Variants in H6PD observed in about 807,000 individuals in gnomAD.
H6PD encodes the protein GDH/6PGL endoplasmic bifunctional protein.
H6PD carries 48 observed loss-of-function variants against 61.2 expected under a neutral mutation model. The ratio of observed to expected loss-of-function variants is 0.78; its 90% CI spans 0.62 to 1.00. The LOEUF is 1.00. Among genes scored for constraint, H6PD ranks in the 50% least tolerant of loss-of-function variants. The pLI, the probability that H6PD is intolerant of heterozygous loss-of-function variation, is 0.00. For missense variants in H6PD, 1,093 were observed against 1,065.0 expected (o/e 1.03, Z -0.37); for synonymous variants, 480 against 457.9 (o/e 1.05, Z -0.62).
Position 9,265,198 on chromosome 1 carries a change from C to T in H6PD, c.*329C>T. Reference sequence around the variant, plus strand: ...CACAACACGGGATGGCGCCCAAACTCCGGCGTTCACAAGAGGAGACGTGAC... The same window carrying T: ...CACAACACGGGATGGCGCCCAAACTTCGGCGTTCACAAGAGGAGACGTGAC... On this transcript the variant is annotated 3_prime_UTR_variant, in exon 5 of 5. Coordinates refer to ENST00000377403, the MANE Select transcript of H6PD (RefSeq NM_004285.4). The T allele has an allele frequency of 9.2e-6, 4 of 434,114 alleles. No individual in the cohort carries two copies. Among genetic ancestry groups the T allele is most frequent in the South Asian group, 8.5e-5 (4 of 46,784 alleles). 26.9% of individuals were successfully genotyped at this position (434,114 alleles called of 1,614,324 possible). A position where few individuals can be genotyped will look rare whatever the true frequency, so the allele number is the denominator to read the frequency against.
chr1:9,255,401 C>T (rs182245062), intron 3 of H6PD, among the ~76,000 whole-genome samples: 32 of 152,254 alleles, frequency 2.1e-4, no homozygotes, highest in African/African-American at 7.5e-4. Context: ...CCCACCTCAG[C>T]CTCCCAAGTA....
Position 9,265,930 on chromosome 1 carries a change from C to T in H6PD, c.*1061C>T, listed in dbSNP as rs1246081148. The T allele has an allele frequency of 6.6e-6, 1 of 152,300 alleles. No individual in the cohort carries two copies. Among genetic ancestry groups the T allele is most frequent in the Non-Finnish European group, 1.5e-5 (1 of 68,076 alleles). The allele number at this position is 152,300 out of a possible 1,614,324, so 9.4% of individuals were successfully genotyped here. ...CTGCTCCTCTGTCCTGCTAGCCTTC[C>T]TCCAGGAAGCACACTGGGTGCAGAT... On this transcript the variant is annotated 3_prime_UTR_variant, in exon 5 of 5. Coordinates refer to ENST00000377403, the MANE Select transcript of H6PD (RefSeq NM_004285.4).
chr1:9,245,810 C>T lies in H6PD; in HGVS notation c.627+249C>T, dbSNP rs1006280707. ...TGCAAAGCCCCCGTTCTCGTTGTTT[C>T]CCAGTCTGGGCTCTGGCTTCTCACG... On this transcript the variant is annotated intron_variant, in intron 2 of 4. Coordinates refer to ENST00000377403, the MANE Select transcript of H6PD (RefSeq NM_004285.4). This position sits in a 1 kb window ranked among gnomAD's most constrained non-coding sequence, Gnocchi z 4.8. Among the ~76,000 whole-genome samples the T allele has an allele frequency of 5.3e-5, 8 of 152,270 alleles. No homozygotes were observed. The highest frequency in any genetic ancestry group is 1.7e-4 in the African/African-American group (7 of 41,564).
Position 9,269,297 on chromosome 1 carries a change from C to T in H6PD, c.*4428C>T, listed in dbSNP as rs1638675420. The T allele has an allele frequency of 6.6e-6, 1 of 152,352 alleles. No homozygotes were observed. Among genetic ancestry groups the T allele is most frequent in the Non-Finnish European group, 1.5e-5 (1 of 68,126 alleles). The allele number at this position is 152,352 out of a possible 1,614,324, so 9.4% of individuals were successfully genotyped here. A position where few individuals can be genotyped will look rare whatever the true frequency, so the allele number is the denominator to read the frequency against. ...CTCTCTCCGCAACTCTCCCGTGAGGCTGCACCCGTGTGGGTAGCACTGGAA... is the reference window on the plus strand; with the variant it reads ...CTCTCTCCGCAACTCTCCCGTGAGGTTGCACCCGTGTGGGTAGCACTGGAA... On this transcript the variant is annotated 3_prime_UTR_variant, in exon 5 of 5. Coordinates refer to ENST00000377403, the MANE Select transcript of H6PD (RefSeq NM_004285.4). The surrounding 1 kb of genome is among the most constrained non-coding windows in gnomAD (Gnocchi z 4.3).
intron 3 of H6PD, among the ~76,000 whole-genome samples, chr1:9,257,440 A>G (rs1301857566): frequency 6.6e-6 from 1 of 152,030 alleles, no homozygotes; most frequent in Non-Finnish European, 1.5e-5. Flanking sequence ...CCTGGCCTAT[A>G]TCCTATTTTC....
chr1:9,235,107 G>A (rs1041228490), intron 1 of H6PD, 41 bp downstream of exon 1: 10 of 149,200 alleles, frequency 6.7e-5, no homozygotes, highest in Non-Finnish European at 1.3e-4. Context: ...CCCGGCCCCG[G>A]CGCCTCCAAC....
intron 3 of H6PD, among the ~76,000 whole-genome samples, chr1:9,260,652 C>A (rs1638229523): frequency 6.6e-6 from 1 of 151,516 alleles, no homozygotes; most frequent in Non-Finnish European, 1.5e-5. Context: ...GCTGTTGTTA[C>A]ATTGGTGTTG....
intron 3 of H6PD, among the ~76,000 whole-genome samples, chr1:9,247,582 A>G (rs1641221379): frequency 6.7e-6 from 1 of 149,106 alleles, no homozygotes; most frequent in Admixed American, 6.7e-5. Context: ...GGCGCCACAC[A>G]CCTCCCTCCC....
chr1:9,235,252 A>C (rs1411726497), intron 1 of H6PD, among the ~76,000 whole-genome samples, 186 bp downstream of exon 1: 1 of 151,956 alleles, frequency 6.6e-6, no homozygotes. Context: ...CGAGCGGCCG[A>C]GCTGTCCTTT....
At chr1:9,258,560 AGCTGGTGTTATATTGTTAT>A (rs1235971008) in intron 3 of H6PD, among the ~76,000 whole-genome samples, 1 of 151,072 alleles carries the variant, frequency 6.6e-6, no homozygotes, top group Non-Finnish European at 1.5e-5. Context: ...ATTGCTGTTA[AGCTGGTGTTATATTGTTAT>A]GCTGGTGTTG....
At position 9,271,216 on chromosome 1, in the gene H6PD, G is replaced by T. The variant is rs1374766595; in HGVS notation, c.*6347G>T. 2.0e-5 allele frequency: 3 copies of T among 152,328 alleles called. No homozygotes were observed. Among genetic ancestry groups the T allele is most frequent in the African/African-American group, 7.2e-5 (3 of 41,568 alleles). 9.4% of individuals were successfully genotyped at this position (152,328 alleles called of 1,614,324 possible). Reference sequence around the variant, plus strand: ...CCCAAAGTGCTGGGATTACAGGCGGGAGCCACCATGCCTGGCCAGAACAAA... The same window carrying T: ...CCCAAAGTGCTGGGATTACAGGCGGTAGCCACCATGCCTGGCCAGAACAAA... On this transcript the variant is annotated 3_prime_UTR_variant, in exon 5 of 5. Coordinates refer to ENST00000377403, the MANE Select transcript of H6PD (RefSeq NM_004285.4).
At chr1:9,244,196 A>AGGT (rs1641089391) in intron 1 of H6PD, among the ~76,000 whole-genome samples, 3 of 152,212 alleles carry the variant, frequency 2.0e-5, no homozygotes, top group African/African-American at 7.2e-5. Flanking sequence ...GGTGCTTAAT[A>AGGT]GGTGATAGGT....
intron 1 of H6PD, among the ~76,000 whole-genome samples, chr1:9,243,207 G>A (rs1333072343): frequency 6.6e-6 from 1 of 152,158 alleles, no homozygotes; most frequent in Non-Finnish European, 1.5e-5. Flanking sequence ...GGTGGTGGGA[G>A]GAGGGGGTCT....
In H6PD at chr1:9,254,181, C is replaced by T. The variant is rs983561471; in HGVS notation, c.745+7098C>T. On this transcript the variant is annotated intron_variant, in intron 3 of 4. Coordinates refer to ENST00000377403, the MANE Select transcript of H6PD (RefSeq NM_004285.4). The surrounding 1 kb of genome is among the most constrained non-coding windows in gnomAD (Gnocchi z 4.6). ...GACCAGCCTGGTCAAATGGTGAAACCCCATCTCCACTAAAAATACAAAAAT... is the reference window on the plus strand; with the variant it reads ...GACCAGCCTGGTCAAATGGTGAAACTCCATCTCCACTAAAAATACAAAAAT... 4.6e-5 allele frequency among the ~76,000 whole-genome samples: 7 copies of T among 152,024 alleles called. No homozygotes were observed. The highest frequency in any genetic ancestry group is 1.5e-5 in the Non-Finnish European group (1 of 68,012).
intron 3 of H6PD, among the ~76,000 whole-genome samples, chr1:9,261,746 G>A (rs1160423636): frequency 1.3e-5 from 2 of 152,254 alleles, no homozygotes; most frequent in Non-Finnish European, 2.9e-5. Context: ...GGGGCGAGGG[G>A]CTGGCCAGTA....
intron 3 of H6PD, among the ~76,000 whole-genome samples, chr1:9,255,150 C>T (rs1175046797): frequency 2.0e-5 from 3 of 152,212 alleles, no homozygotes; most frequent in African/African-American, 7.2e-5. Flanking sequence ...CTGCAATGAG[C>T]ATTCATGTAC....
At chr1:9,242,616 C>T (rs1405673822) in intron 1 of H6PD, 18 of 985,372 alleles carry the variant, frequency 1.8e-5, no homozygotes, top group African/African-American at 3.5e-5. Context: ...GGTGGCCATC[C>T]GTCACAGCTG....
chr1:9,263,582 CGA>C lies in H6PD; in HGVS notation c.1095_1096del (p.Arg365SerfsTer131). 1.2e-6 allele frequency: 2 copies of C among 1,614,144 alleles called. No homozygotes were observed. The highest frequency in any genetic ancestry group is 1.7e-6 in the Non-Finnish European group (2 of 1,179,966). Reference sequence around the variant, plus strand: ...TCCTGATGTCTGGCAAAGCCTTGGACGAGAGAGTGGGCTACGCTCGGATCTTG... The same window carrying C: ...TCCTGATGTCTGGCAAAGCCTTGGACGAGAGTGGGCTACGCTCGGATCTTG... ...FILMSGKALD[E>X]RVGYARILFK... On this transcript the variant is annotated frameshift_variant, in exon 5 of 5. Transcript: ENST00000377403. LOFTEE classifies it high-confidence loss of function.
intron 3 of H6PD, among the ~76,000 whole-genome samples, chr1:9,257,648 A>G (rs937534641): frequency 6.6e-6 from 1 of 152,216 alleles, no homozygotes; most frequent in Non-Finnish European, 1.5e-5. Flanking sequence ...GGGAAGAAAG[A>G]GAAACAGGCC....
Sources: allele counts gnomAD v4.1 joint callset (sites outside exome capture counted in the v4.1 genomes callset), GRCh38; gene constraint gnomAD v4.1.1; non-coding constraint Gnocchi (gnomAD v3.1); transcripts MANE v1.5; gene names NCBI Gene and HGNC (gene_info 2026-07-23, HGNC 2026-07-21).